The following CNTN6 variants were observed in gnomAD, a reference collection of about 807,000 sequenced individuals.
CNTN6 encodes the protein contactin-6.
CNTN6 carries 137 observed loss-of-function variants against 122.8 expected under a neutral mutation model. The ratio of observed to expected loss-of-function variants is 1.12; its 90% CI spans 0.97 to 1.29. CNTN6 has a LOEUF of 1.29. Among genes scored for constraint, CNTN6 ranks in the 50% most tolerant of loss-of-function variants. The probability of loss-of-function intolerance (pLI) is 0.00; values close to 1 mark genes in which losing one functional copy is unlikely to be tolerated. For missense variants in CNTN6, 1,634 were observed against 1,223.4 expected (o/e 1.34, Z -5.01); for synonymous variants, 570 against 426.0 (o/e 1.34, Z -4.16).
intron 1 of CNTN6, chr3:1,128,162 C>T (rs1454446366): frequency 6.6e-6 from 1 of 151,938 alleles, no homozygotes; most frequent in East Asian, 1.9e-4. Flanking sequence ...TTACCTCATC[C>T]TTTTGAAATT....
At position 1,119,353 on chromosome 3, in the gene CNTN6, G is replaced by GTGTGTGTGTGTGTGTGTGT. The variant is rs377642286; in HGVS notation, c.-83+26233_-83+26234insTGTGTGTGTGTGTGTGTGT. On this transcript the variant is annotated intron_variant, in intron 1 of 22. Transcript: ENST00000446702. The stretch of plus-strand genomic sequence containing the variant: ...TGTGTGTGTGTGTGTGTGTGTGTGT[G>GTGTGTGTGTGTGTGTGTGT]GAGAATGTCTCTTTGGCCCAGATAA... Among the ~76,000 whole-genome samples, 49 of 150,242 alleles carry GTGTGTGTGTGTGTGTGTGT rather than the reference G, an allele frequency of 3.3e-4. 1 individual carries two copies. Among genetic ancestry groups the GTGTGTGTGTGTGTGTGTGT allele is most frequent in the Middle Eastern group, 3.4e-3 (1 of 292 alleles).
intron 1 of CNTN6, among the ~76,000 whole-genome samples, chr3:1,095,781 C>T (rs1243878687): frequency 2.0e-5 from 3 of 152,166 alleles, no homozygotes; most frequent in African/African-American, 7.2e-5. Context: ...ATCAACTCCA[C>T]CCATACCACC....
At chr3:1,298,070 T>G in intron 7 of CNTN6, 79 bp downstream of exon 7, 1 of 984,996 alleles carries the variant, frequency 1.0e-6, no homozygotes, top group Non-Finnish European at 1.5e-6. Context: ...TATTCATATA[T>G]TGCTCTAAGG....
chr3:1,402,662 A>G (rs141490401), intron 22 of CNTN6, 176 bp downstream of exon 22: 2 of 529,740 alleles, frequency 3.8e-6, no homozygotes, highest in Non-Finnish European at 3.3e-6. Context: ...ATTATAACAT[A>G]CACTATAAAT....
chr3:1,156,771 T>C (rs1254693781), intron 2 of CNTN6, among the ~76,000 whole-genome samples: 1 of 151,696 alleles, frequency 6.6e-6, no homozygotes, highest in African/African-American at 2.4e-5. Context: ...TGAAGTGCAA[T>C]GGCGCTATCA....
chr3:1,103,971 A>G (rs1403577215), intron 1 of CNTN6, among the ~76,000 whole-genome samples: 1 of 152,102 alleles, frequency 6.6e-6, no homozygotes, highest in Non-Finnish European at 1.5e-5. Flanking sequence ...CTAAATTACC[A>G]ATATTAATAA....
chr3:1,316,453 A>C (rs1437641668), intron 7 of CNTN6, among the ~76,000 whole-genome samples: 1 of 151,834 alleles, frequency 6.6e-6, no homozygotes, highest in Non-Finnish European at 1.5e-5. Context: ...ATATCTCACA[A>C]TAACTCACTC....
At position 1,385,708 on chromosome 3, in the gene CNTN6, AT is replaced by A; in HGVS notation, c.2616del (p.Asn872LysfsTer8). 6.2e-7 allele frequency: 1 copy of A among 1,614,156 alleles called. No homozygotes were observed. Among genetic ancestry groups the A allele is most frequent in the Non-Finnish European group, 8.5e-7 (1 of 1,179,974 alleles). Reference sequence around the variant, plus strand: ...AAAAACATCACGGGGCTGAAAGCTAATACCATCTACTTTGCTTCCGTAAGAG... The same window carrying A: ...AAAAACATCACGGGGCTGAAAGCTAAACCATCTACTTTGCTTCCGTAAGAG... ...TTKNITGLKA[N>X]TIYFASVRAY... On this transcript the variant is annotated frameshift_variant, in exon 20 of 23. Coordinates refer to ENST00000446702, the MANE Select transcript of CNTN6 (RefSeq NM_001289080.2). LOFTEE classifies it high-confidence loss of function.
chr3:1,300,099 C>A (rs528549466), intron 7 of CNTN6, among the ~76,000 whole-genome samples: 46 of 152,134 alleles, frequency 3.0e-4, no homozygotes, highest in African/African-American at 9.9e-4. Flanking sequence ...GCCTCAGCCT[C>A]CCAAGTAGCT....
At chr3:1,148,815 C>T (rs1485736848) in intron 2 of CNTN6, among the ~76,000 whole-genome samples, 1 of 152,144 alleles carries the variant, frequency 6.6e-6, no homozygotes, top group Non-Finnish European at 1.5e-5. Context: ...TGAGCTGAGT[C>T]ATCTGAGACA....
Position 1,352,243 on chromosome 3 carries a change from A to AG in CNTN6, c.1365-80dup, listed in dbSNP as rs530062173. Reference sequence around the variant, plus strand: ...TCACATACACCCATGATTTTAGTAAAGTTTTAAAATAAAAATAAGCACTTA... The same window carrying AG: ...TCACATACACCCATGATTTTAGTAAAGGTTTTAAAATAAAAATAAGCACTTA... On this transcript the variant is annotated intron_variant, in intron 11 of 22. Transcript: ENST00000446702. 1.8e-5 allele frequency: 23 copies of AG among 1,262,544 alleles called. 1 individual carries two copies. The African/African-American group carries it at 2.6e-4, about 14-fold the overall frequency. 78.2% of individuals were successfully genotyped at this position (1,262,544 alleles called of 1,614,324 possible). A position where few individuals can be genotyped will look rare whatever the true frequency, so the allele number is the denominator to read the frequency against.
At chr3:1,187,867 A>G (rs752147632) in intron 2 of CNTN6, among the ~76,000 whole-genome samples, 3 of 151,992 alleles carry the variant, frequency 2.0e-5, no homozygotes, top group Non-Finnish European at 4.4e-5. Flanking sequence ...AGAAGTCTGT[A>G]TGGTTGGTTG....
At chr3:1,357,726 C>G (rs1706799992) in intron 12 of CNTN6, among the ~76,000 whole-genome samples, 1 of 151,816 alleles carries the variant, frequency 6.6e-6, no homozygotes, top group South Asian at 2.1e-4. Context: ...ATTAGTACTT[C>G]CTCCTAAATA....
intron 19 of CNTN6, among the ~76,000 whole-genome samples, chr3:1,384,788 T>TAC (rs1320311051): frequency 1.5e-5 from 2 of 129,480 alleles, no homozygotes; most frequent in African/African-American, 6.0e-5. Context: ...TATATATATA[T>TAC]ATATATATAC....
chr3:1,307,819 G>C (rs1698599627), intron 7 of CNTN6, among the ~76,000 whole-genome samples: 1 of 152,058 alleles, frequency 6.6e-6, no homozygotes, highest in Admixed American at 6.6e-5. Context: ...GTTTTGGAGA[G>C]GAAGAACATA....
intron 20 of CNTN6, among the ~76,000 whole-genome samples, chr3:1,388,572 T>C (rs1270808634): frequency 1.3e-5 from 2 of 150,540 alleles, no homozygotes; most frequent in Admixed American, 6.6e-5. Context: ...AGAATGACTT[T>C]GACGAGCTGA....
chr3:1,367,352 T>A (rs908742145), intron 12 of CNTN6, among the ~76,000 whole-genome samples: 1 of 151,640 alleles, frequency 6.6e-6, no homozygotes, highest in South Asian at 2.1e-4. Flanking sequence ...TACTCTTTAC[T>A]ATGCTACTCT....
At chr3:1,288,616 G>A (rs1306462242) in intron 5 of CNTN6, among the ~76,000 whole-genome samples, 1 of 152,108 alleles carries the variant, frequency 6.6e-6, no homozygotes, top group African/African-American at 2.4e-5. Context: ...TTCTGCCTCA[G>A]GAAACATGCT....
chr3:1,368,670 A>G (rs535776784), intron 12 of CNTN6, among the ~76,000 whole-genome samples: 20 of 152,218 alleles, frequency 1.3e-4, no homozygotes, highest in Non-Finnish European at 2.4e-4. Flanking sequence ...AGTAATGGAG[A>G]AAATTATATA....
Sources: allele counts gnomAD v4.1 joint callset (sites outside exome capture counted in the v4.1 genomes callset), GRCh38; gene constraint gnomAD v4.1.1; transcripts MANE v1.5; gene names NCBI Gene and HGNC (gene_info 2026-07-23, HGNC 2026-07-21).